USP48: variants seen among roughly 807,000 people sequenced by gnomAD.
The protein encoded by USP48 is ubiquitin carboxyl-terminal hydrolase 48.
A neutral mutation model predicts 150.7 loss-of-function variants in USP48; 43 were observed. That is an observed-to-expected ratio of 0.29 (90% CI 0.22 to 0.37). USP48 has a LOEUF of 0.37. Ranked by LOEUF, USP48 falls within the 10% of genes least tolerant of loss-of-function variation. The probability of loss-of-function intolerance (pLI) is 1.00; values close to 1 mark genes in which losing one functional copy is unlikely to be tolerated. For synonymous variants in USP48, 396 were observed against 425.9 expected (o/e 0.93, Z 0.86); for missense variants, 813 against 1,249.6 (o/e 0.65, Z 5.27).
At position 21,679,160 on chromosome 1, in the gene USP48, C is replaced by T. The variant is rs2097558584; in HGVS notation, c.*257G>A. The T allele has an allele frequency of 1.8e-6, 1 of 554,312 alleles. No homozygotes were observed. The highest frequency in any genetic ancestry group is 1.9e-5 in the African/African-American group (1 of 52,688). 34.3% of individuals were successfully genotyped at this position (554,312 alleles called of 1,614,324 possible). ...ATTACTGCTACTAAACTTGTTCCGTCTTTACTTGCCCCCTCCCACCCACCA... is the reference window on the plus strand; with the variant it reads ...ATTACTGCTACTAAACTTGTTCCGTTTTTACTTGCCCCCTCCCACCCACCA... On this transcript the variant is annotated 3_prime_UTR_variant, in exon 27 of 27. Coordinates refer to ENST00000308271, the MANE Select transcript of USP48 (RefSeq NM_032236.8).
At chr1:21,746,166 T>C (rs565029) in intron 8 of USP48, among the ~76,000 whole-genome samples, 11,615 of 152,240 alleles carry the variant, frequency 0.076, 501 homozygotes, top group Middle Eastern at 0.11. Flanking sequence ...AATTTTTTAT[T>C]TTTTTGGAAA....
At chr1:21,770,383 G>A (rs1276346464) in intron 1 of USP48, among the ~76,000 whole-genome samples, 1 of 151,916 alleles carries the variant, frequency 6.6e-6, no homozygotes, top group Non-Finnish European at 1.5e-5. Flanking sequence ...GTAGAAAAAT[G>A]GAAGATAAGG....
intron 3 of USP48, among the ~76,000 whole-genome samples, chr1:21,753,823 T>TAAAAA (rs11308463): frequency 3.5e-5 from 3 of 86,636 alleles, no homozygotes; most frequent in South Asian, 4.2e-4. Flanking sequence ...CGAGACTCTT[T>TAAAAA]AAAAAAAAAA....
intron 7 of USP48, 124 bp downstream of exon 7, chr1:21,748,014 T>A: frequency 9.6e-7 from 1 of 1,036,996 alleles, no homozygotes; most frequent in Non-Finnish European, 1.3e-6. Context: ...ACAGCCTCCA[T>A]CTATAACTTT....
rs1033869637 is a variant in USP48 at position 21,704,542 on chromosome 1, A to C, written c.2385-150T>G. ...AAGATACGTATCATCAACAAAGAAT[A>C]GTTTTTCATACAAAGGAATGTTACC... On this transcript the variant is annotated intron_variant, in intron 19 of 26. Coordinates refer to ENST00000308271, the MANE Select transcript of USP48 (RefSeq NM_032236.8). The C allele has an allele frequency of 4.8e-6, 4 of 836,208 alleles. No individual in the cohort carries two copies. In the African/African-American group the frequency reaches 7.1e-5, roughly 15 times the overall value. 51.8% of individuals were successfully genotyped at this position (836,208 alleles called of 1,614,324 possible). A position where few individuals can be genotyped will look rare whatever the true frequency, so the allele number is the denominator to read the frequency against.
intron 24 of USP48, among the ~76,000 whole-genome samples, chr1:21,688,842 CAAAAAAA>C (rs1185263002): frequency 2.2e-5 from 2 of 88,998 alleles, no homozygotes; most frequent in Non-Finnish European, 4.3e-5. Context: ...GACTCCATCT[CAAAAAAA>C]AAAAAAAAAA....
At chr1:21,741,810 T>C (rs763736223) in intron 8 of USP48, among the ~76,000 whole-genome samples, 1 of 152,008 alleles carries the variant, frequency 6.6e-6, no homozygotes, top group Admixed American at 6.6e-5. Flanking sequence ...ACCCAGTCTA[T>C]AAAAACTTAA....
At chr1:21,729,554 TA>T in intron 10 of USP48, 149 bp downstream of exon 10, 2 of 980,588 alleles carry the variant, frequency 2.0e-6, no homozygotes, top group Non-Finnish European at 2.8e-6. Flanking sequence ...TTCTTAAAAG[TA>T]AATTTGCAAT....
intron 25 of USP48, among the ~76,000 whole-genome samples, chr1:21,683,408 A>C (rs2097572085): frequency 1.3e-5 from 2 of 152,106 alleles, no homozygotes; most frequent in Admixed American, 1.3e-4. Flanking sequence ...TTTTTGAGAC[A>C]GGGTCTCAAT....
At chr1:21,767,584 A>G (rs1160632315) in intron 1 of USP48, among the ~76,000 whole-genome samples, 2 of 149,882 alleles carry the variant, frequency 1.3e-5, no homozygotes, top group Non-Finnish European at 3.0e-5. Flanking sequence ...CGGCCTCCCA[A>G]AGTGCTGGGA....
chr1:21,778,149 AAAAAC>A (rs1557627756), intron 1 of USP48, among the ~76,000 whole-genome samples: 1 of 151,966 alleles, frequency 6.6e-6, no homozygotes, highest in Non-Finnish European at 1.5e-5. Context: ...TCTGAAAAAA[AAAAAC>A]AAAACAAAAA....
chr1:21,757,495 A>G lies in USP48; in HGVS notation c.255+168T>C, dbSNP rs2097839775. ...GCTGCCTGTTTTAAAGCATATCATT[A>G]AGAAGTGTTCCAATTCAAGTGGCTT... On this transcript the variant is annotated intron_variant, in intron 2 of 26. Transcript: ENST00000308271. 8.8e-6 allele frequency: 5 copies of G among 569,210 alleles called. No homozygotes were observed. The East Asian group carries it at 1.6e-4, about 18-fold the overall frequency. The allele number at this position is 569,210 out of a possible 1,614,324, so 35.3% of individuals were successfully genotyped here.
Position 21,687,258 on chromosome 1 carries a change from CA to C in USP48, c.3010-20del, listed in dbSNP as rs763046278. 1 of 1,609,904 alleles carries C rather than the reference CA, an allele frequency of 6.2e-7. No individual in the cohort carries two copies. Among genetic ancestry groups the C allele is most frequent in the East Asian group, 2.2e-5 (1 of 44,798 alleles). On this transcript the variant is annotated intron_variant, in intron 24 of 26. Coordinates refer to ENST00000308271, the MANE Select transcript of USP48 (RefSeq NM_032236.8). ...CATCAGCCTAGAAAACAAATGAAGA[CA>C]ATTCAAAACCACAAGGGAGAGGGAG...
chr1:21,720,448 C>A (rs148646880), intron 14 of USP48, among the ~76,000 whole-genome samples: 63 of 152,112 alleles, frequency 4.1e-4, no homozygotes, highest in African/African-American at 1.5e-3. Flanking sequence ...CTTGTGAGAG[C>A]TTGTAGTTTA....
chr1:21,773,978 T>A (rs1043185358), intron 1 of USP48, among the ~76,000 whole-genome samples: 7 of 151,950 alleles, frequency 4.6e-5, no homozygotes, highest in African/African-American at 1.7e-4. Context: ...TCTCTATTTT[T>A]AAAAAACTAT....
chr1:21,721,518 C>A (rs908654889), intron 13 of USP48, 132 bp downstream of exon 13: 2 of 690,202 alleles, frequency 2.9e-6, no homozygotes, highest in Non-Finnish European at 4.6e-6. Flanking sequence ...TTTGATCTGG[C>A]TCTACCATCC....
intron 22 of USP48, among the ~76,000 whole-genome samples, chr1:21,700,917 T>C (rs2097653749): frequency 6.6e-6 from 1 of 151,698 alleles, no homozygotes; most frequent in South Asian, 2.1e-4. Context: ...TACAAAAAAT[T>C]AGCCAGGAGT....
At chr1:21,762,378 A>G (rs965303465) in intron 1 of USP48, among the ~76,000 whole-genome samples, 2 of 152,222 alleles carry the variant, frequency 1.3e-5, no homozygotes, top group African/African-American at 4.8e-5. Context: ...TCGAAAGAAA[A>G]TTACAGCTAG....
intron 25 of USP48, among the ~76,000 whole-genome samples, chr1:21,681,699 C>G (rs971343920): frequency 6.6e-6 from 1 of 152,146 alleles, no homozygotes; most frequent in East Asian, 1.9e-4. Context: ...CAGTCTCCAG[C>G]GCTGGCATTA....
Sources: gnomAD v4.1 joint callset for allele counts (sites outside exome capture counted in the v4.1 genomes callset) on GRCh38, gnomAD v4.1.1 for gene constraint, MANE v1.5 for transcripts, NCBI Gene and HGNC (gene_info 2026-07-23, HGNC 2026-07-21) for gene names.